DNAJC2: variants seen among roughly 807,000 people sequenced by gnomAD.
DNAJC2 encodes dnaJ homolog subfamily C member 2.
In DNAJC2, 32 loss-of-function variants were observed where a neutral mutation model predicts 94.0. The ratio of observed to expected loss-of-function variants is 0.34; its 90% CI spans 0.26 to 0.46. DNAJC2 has a LOEUF of 0.46. Among genes scored for constraint, DNAJC2 ranks in the 20% least tolerant of loss-of-function variants. DNAJC2 has a pLI of 1.00. For missense variants in DNAJC2, 550 were observed against 719.5 expected, an observed-to-expected ratio of 0.76 and a Z score of 2.69; for synonymous variants, 210 against 229.7, an observed-to-expected ratio of 0.91 and a Z score of 0.77.
chr7:103,319,974 C>G, intron 10 of DNAJC2, 130 bp from the exon 11 acceptor site: 1 of 887,572 alleles, frequency 1.1e-6, no homozygotes, highest in Non-Finnish European at 1.8e-6. Flanking sequence ...GCGGAAATTG[C>G]AGCAAACTGA....
intron 1 of DNAJC2, 44 bp downstream of exon 1, chr7:103,344,515 G>C: frequency 1.2e-6 from 2 of 1,608,836 alleles, no homozygotes; most frequent in South Asian, 1.1e-5. Context: ...ACTGAGGCAG[G>C]GGCAGCTGAG....
intron 2 of DNAJC2, 61 bp from the exon 3 acceptor site, chr7:103,337,872 G>C: frequency 8.2e-7 from 1 of 1,217,522 alleles, no homozygotes; most frequent in Non-Finnish European, 1.2e-6. Context: ...TCCATCCCTT[G>C]TGTTCTGGTA....
At chr7:103,331,200 C>T (rs575609431) in intron 3 of DNAJC2, among the ~76,000 whole-genome samples, 2 of 152,164 alleles carry the variant, frequency 1.3e-5, no homozygotes, top group East Asian at 1.9e-4. Context: ...TCAAGTGATC[C>T]GCCTGCCTCG....
chr7:103,325,560 G>T (rs1818661967), intron 5 of DNAJC2, among the ~76,000 whole-genome samples: 1 of 151,696 alleles, frequency 6.6e-6, no homozygotes, highest in African/African-American at 2.4e-5. Context: ...CTGCACAGAA[G>T]AATCACCTGG....
Position 103,344,689 on chromosome 7 carries a change from C to G in DNAJC2, c.-67G>C. On this transcript the variant is annotated 5_prime_UTR_variant, in exon 1 of 17. Transcript: ENST00000379263. Reference sequence around the variant, plus strand: ...CCCGGGCGGAGGGCGCTTAGGGTCCCCTCCAGCTCTACCTCTCACTCCGAG... The same window carrying G: ...CCCGGGCGGAGGGCGCTTAGGGTCCGCTCCAGCTCTACCTCTCACTCCGAG... 2 of 1,536,476 alleles carry G rather than the reference C, an allele frequency of 1.3e-6. No homozygotes were observed. Among genetic ancestry groups the G allele is most frequent in the South Asian group, 2.2e-5 (2 of 89,564 alleles).
chr7:103,316,236 T>C (rs1261973240), intron 13 of DNAJC2, 148 bp from the exon 14 acceptor site: 5 of 472,912 alleles, frequency 1.1e-5, no homozygotes, highest in African/African-American at 4.0e-5. Flanking sequence ...CTACTATAAA[T>C]TCCTGTTGCC....
At chr7:103,327,863 C>G in intron 3 of DNAJC2, 109 bp from the exon 4 acceptor site, 3 of 622,312 alleles carry the variant, frequency 4.8e-6, no homozygotes, top group Non-Finnish European at 8.4e-6. Context: ...AGAATCTTTT[C>G]TCCCACAGTA....
rs983544332 is a variant in DNAJC2, at chr7:103,341,761, T to C, written c.255+3A>G. 10 of 1,549,942 alleles carry C rather than the reference T, an allele frequency of 6.5e-6. No homozygotes were observed. On this transcript the variant is annotated splice_donor_region_variant and intron_variant, in intron 2 of 16. Transcript: ENST00000379263. ...CTGAACAAAATATTCAGATATTAAA[T>C]ACCTTCCAGTCTTTGGGATCAAGTG...
rs745467570 is a variant in DNAJC2, at chr7:103,344,584, G to C, written c.39C>G (p.Thr13=). ...LLPSAADGRG[T]AITHALTSAS... ...CAGAGGTCAGAGCGTGGGTGATGGC[G>C]GTGCCCCGGCCGTCCGCGGCGCTTG... Residue 13 remains threonine (T), a synonymous_variant, in exon 1 of 17, where the codon ACC becomes ACG. Coordinates refer to ENST00000379263, the MANE Select transcript of DNAJC2 (RefSeq NM_014377.3). The C allele has an allele frequency of 1.2e-6, 2 of 1,613,330 alleles. No homozygotes were observed. The highest frequency in any genetic ancestry group is 2.2e-5 in the South Asian group (2 of 91,078).
intron 3 of DNAJC2, among the ~76,000 whole-genome samples, chr7:103,333,420 T>C (rs1424163190): frequency 2.0e-5 from 3 of 152,238 alleles, no homozygotes; most frequent in African/African-American, 7.2e-5. Context: ...ATAATTTTTA[T>C]TTCTGTCTAG....
rs371651822 is a variant in DNAJC2, at chr7:103,322,687, A to G, written c.811+16T>C. The stretch of plus-strand genomic sequence containing the variant: ...GAATTTCTAACATTTAGGGGACTTA[A>G]ATCAATTCTACTTACCAACTAATGT... On this transcript the variant is annotated intron_variant, in intron 8 of 16. Transcript: ENST00000379263. 1.4e-5 allele frequency: 23 copies of G among 1,612,692 alleles called. No homozygotes were observed. Among genetic ancestry groups the G allele is most frequent in the African/African-American group, 2.7e-5 (2 of 74,880 alleles).
chr7:103,337,378 A>C (rs913584092), intron 3 of DNAJC2: 13 of 166,498 alleles, frequency 7.8e-5, no homozygotes, highest in Admixed American at 2.5e-4. Context: ...TAAAAAAAAA[A>C]CCAAAAACCA....
chr7:103,322,888 A>C, intron 7 of DNAJC2, 94 bp from the exon 8 acceptor site: 6 of 974,400 alleles, frequency 6.2e-6, no homozygotes, highest in Non-Finnish European at 9.1e-6. Flanking sequence ...TGTACATAAC[A>C]TCCTAGAGGT....
chr7:103,316,416 C>A (rs769115544), intron 13 of DNAJC2: 1 of 222,494 alleles, frequency 4.5e-6, no homozygotes, highest in Non-Finnish European at 8.7e-6. Context: ...AAAACAGCCT[C>A]GGTTTCATCT....
At chr7:103,331,166 A>T (rs1818954292) in intron 3 of DNAJC2, among the ~76,000 whole-genome samples, 1 of 152,042 alleles carries the variant, frequency 6.6e-6, no homozygotes, top group Admixed American at 6.5e-5. Flanking sequence ...CATGTTGGCC[A>T]GGCTTGGTCT....
intron 6 of DNAJC2, 102 bp from the exon 7 acceptor site, chr7:103,323,765 C>A: frequency 1.1e-6 from 1 of 917,092 alleles, no homozygotes; most frequent in Non-Finnish European, 1.5e-6. Context: ...CCTTTCCTTC[C>A]CTTCTAGTAT....
chr7:103,333,273 CT>C (rs1196985265), intron 3 of DNAJC2, among the ~76,000 whole-genome samples: 1 of 152,144 alleles, frequency 6.6e-6, no homozygotes, highest in Non-Finnish European at 1.5e-5. Flanking sequence ...GAATTTCCAC[CT>C]TATCTTTTCC....
At chr7:103,329,054 T>G in intron 3 of DNAJC2, 1 of 1,179,384 alleles carries the variant, frequency 8.5e-7, no homozygotes, top group East Asian at 6.3e-5. Context: ...TACGTCTAAT[T>G]ATTTAAAATT....
At position 103,341,813 on chromosome 7, in the gene DNAJC2, T is replaced by A; in HGVS notation, c.206A>T (p.Gln69Leu). 6 of 1,609,348 alleles carry A rather than the reference T, an allele frequency of 3.7e-6. No homozygotes were observed. Among genetic ancestry groups the A allele is most frequent in the Non-Finnish European group, 5.1e-6 (6 of 1,178,504 alleles). The part of the protein sequence containing the change: ...LSEESEDEEL[Q>L]LEEFPMLKTL... Reference sequence around the variant, plus strand: ...TTTCAGCATGGGAAACTCTTCCAACTGCAATTCTTCATCTTCTGATTCCTC... The same window carrying A: ...TTTCAGCATGGGAAACTCTTCCAACAGCAATTCTTCATCTTCTGATTCCTC... The change falls in exon 2 of 17, where the codon CAG becomes CTG. Residue 69 changes from glutamine (Q) to leucine (L), a missense_variant. Gln to Leu is a moderately radical substitution (Grantham distance 113). Coordinates refer to ENST00000379263, the MANE Select transcript of DNAJC2 (RefSeq NM_014377.3).
Sources: allele counts gnomAD v4.1 joint callset (sites outside exome capture counted in the v4.1 genomes callset), GRCh38; gene constraint gnomAD v4.1.1; transcripts MANE v1.5; gene names NCBI Gene and HGNC (gene_info 2026-07-23, HGNC 2026-07-21).